Variants in SLC7A2 observed in about 807,000 individuals in gnomAD.
SLC7A2 encodes the protein solute carrier family 7 member 2.
In SLC7A2, 48 loss-of-function variants were observed where a neutral mutation model predicts 58.9. The ratio of observed to expected loss-of-function variants is 0.82; its 90% CI spans 0.65 to 1.04. The LOEUF (loss-of-function observed/expected upper bound fraction) is 1.04, where lower values mean the gene tolerates loss of function less well. Among genes scored for constraint, SLC7A2 ranks in the 50% least tolerant of loss-of-function variants. The pLI is 0.00. For missense variants in SLC7A2, 1,029 were observed against 818.8 expected (o/e 1.26, Z -3.13); for synonymous variants, 363 against 314.5 (o/e 1.15, Z -1.63).
intron 1 of SLC7A2, chr8:17,500,704 G>A (rs1800119791): frequency 6.6e-6 from 1 of 152,138 alleles, no homozygotes; most frequent in African/African-American, 2.4e-5. Context: ...CAGGAGAATT[G>A]CTTGAATCTG....
chr8:17,543,875 G>T (rs980902849), intron 3 of SLC7A2, among the ~76,000 whole-genome samples, 160 bp downstream of exon 3: 1 of 151,960 alleles, frequency 6.6e-6, no homozygotes, highest in African/African-American at 2.4e-5. Flanking sequence ...ACAAAATTCT[G>T]TGGGTTTTTT....
intron 2 of SLC7A2, among the ~76,000 whole-genome samples, chr8:17,524,469 ACTC>A (rs1801146699): frequency 6.6e-6 from 1 of 151,146 alleles, no homozygotes. Context: ...ATGGAATACT[ACTC>A]AGCCATAAAC....
chr8:17,494,462 A>G (rs1799912742), upstream of SLC7A2, among the ~76,000 whole-genome samples: 1 of 152,214 alleles, frequency 6.6e-6, no homozygotes, highest in Non-Finnish European at 1.5e-5. Flanking sequence ...GAAAGTGAAA[A>G]GTGATGGCAA....
rs112718527 is a variant in SLC7A2 at position 17,526,799 on chromosome 8, C to G, written c.-22-16519C>G. Among the ~76,000 whole-genome samples, 1,470 of 152,208 alleles carry G rather than the reference C, an allele frequency of 9.7e-3. 26 individuals carry two copies. The highest frequency in any genetic ancestry group is 0.034 in the African/African-American group (1,418 of 41,508). On this transcript the variant is annotated intron_variant, in intron 2 of 12. Transcript: ENST00000494857. ...AAGCATCATGAGTTCACTAAGAACA[C>G]GTTATGCCTAACGAACTGCATGCCC...
In SLC7A2 at chr8:17,563,522, T is replaced by A. The variant is rs575319581; in HGVS notation, c.1672-81T>A. On this transcript the variant is annotated intron_variant, in intron 11 of 12. Coordinates refer to ENST00000494857, the MANE Select transcript of SLC7A2 (RefSeq NM_001370338.1). Reference sequence around the variant, plus strand: ...GTGGTGTGAAAGTATATATGCCAAATTAATTGCCACCCTGTTGAAATAACT... The same window carrying A: ...GTGGTGTGAAAGTATATATGCCAAAATAATTGCCACCCTGTTGAAATAACT... The A allele has an allele frequency of 2.0e-5, 17 of 838,168 alleles. No individual in the cohort carries two copies. The African/African-American group carries it at 2.7e-4, about 13-fold the overall frequency. 51.9% of individuals were successfully genotyped at this position (838,168 alleles called of 1,614,324 possible).
chr8:17,535,109 T>A (rs2150720830), intron 2 of SLC7A2, among the ~76,000 whole-genome samples: 1 of 152,284 alleles, frequency 6.6e-6, no homozygotes, highest in South Asian at 2.1e-4. Flanking sequence ...GGCTTAAAGT[T>A]CTCAGTGATT....
chr8:17,535,181 C>T (rs560629826), intron 2 of SLC7A2, among the ~76,000 whole-genome samples: 1 of 152,146 alleles, frequency 6.6e-6, no homozygotes, highest in East Asian at 1.9e-4. Context: ...TTCTGCTTAG[C>T]TCTGCTTACC....
chr8:17,554,493 A>T, intron 7 of SLC7A2, 67 bp from the exon 8 acceptor site: 2 of 1,300,126 alleles, frequency 1.5e-6, no homozygotes. Context: ...CAATTATTTT[A>T]TTTCCGTTCG....
chr8:17,537,614 G>A (rs2150726905), intron 2 of SLC7A2, among the ~76,000 whole-genome samples: 1 of 152,220 alleles, frequency 6.6e-6, no homozygotes, highest in South Asian at 2.1e-4. Context: ...CGGGATCCCA[G>A]GTAAGGTAAA....
At chr8:17,519,078 C>G (rs1195695878) in intron 2 of SLC7A2, among the ~76,000 whole-genome samples, 2 of 152,144 alleles carry the variant, frequency 1.3e-5, no homozygotes, top group African/African-American at 2.4e-5. Context: ...GGCCCTACCT[C>G]CAAATACTAT....
intron 2 of SLC7A2, among the ~76,000 whole-genome samples, chr8:17,509,335 T>C (rs1049996295): frequency 6.6e-6 from 1 of 152,098 alleles, no homozygotes; most frequent in African/African-American, 2.4e-5. Flanking sequence ...TGAGACAGAG[T>C]TTCGCTCTGT....
In SLC7A2 at chr8:17,521,536, A is replaced by C. The variant is rs748599742; in HGVS notation, c.-23+19234A>C. Reference sequence around the variant, plus strand: ...ACTCATCCCTGTCTGCCATCCATCAAGTGCTTCTGGAATTCCATCCTGGAT... The same window carrying C: ...ACTCATCCCTGTCTGCCATCCATCACGTGCTTCTGGAATTCCATCCTGGAT... On this transcript the variant is annotated intron_variant, in intron 2 of 12. Transcript: ENST00000494857. Among the ~76,000 whole-genome samples, 6 of 152,322 alleles carry C rather than the reference A, an allele frequency of 3.9e-5. No individual in the cohort carries two copies. In the South Asian group the frequency reaches 1.0e-3, roughly 26 times the overall value.
upstream of SLC7A2, among the ~76,000 whole-genome samples, chr8:17,494,799 G>C (rs149324133): frequency 9.2e-4 from 140 of 152,344 alleles, no homozygotes; most frequent in African/African-American, 3.2e-3. Context: ...GTTAAGTCAA[G>C]AACTAGTGTG....
intron 2 of SLC7A2, among the ~76,000 whole-genome samples, chr8:17,513,316 T>C (rs1800678352): frequency 6.6e-6 from 1 of 152,184 alleles, no homozygotes; most frequent in African/African-American, 2.4e-5. Flanking sequence ...ATACATGTTA[T>C]TTTCTGGGTT....
At chr8:17,518,685 A>G (rs969043671) in intron 2 of SLC7A2, among the ~76,000 whole-genome samples, 2 of 152,212 alleles carry the variant, frequency 1.3e-5, no homozygotes, top group Admixed American at 6.5e-5. Context: ...AAGCTTCATT[A>G]CATTGCTTCT....
At chr8:17,549,280 T>C (rs1268202500) in intron 5 of SLC7A2, among the ~76,000 whole-genome samples, 1 of 152,226 alleles carries the variant, frequency 6.6e-6, no homozygotes, top group Non-Finnish European at 1.5e-5. Context: ...ATGTGGGTTT[T>C]CTTCTAGAGC....
chr8:17,557,808 A>G (rs1802780594), intron 8 of SLC7A2, among the ~76,000 whole-genome samples: 2 of 152,008 alleles, frequency 1.3e-5, no homozygotes, highest in African/African-American at 4.8e-5. Flanking sequence ...ACCCTGGGTG[A>G]CAAAGTGAGC....
intron 2 of SLC7A2, chr8:17,538,947 G>C (rs1009087325): frequency 3.1e-6 from 5 of 1,602,640 alleles, no homozygotes; most frequent in Non-Finnish European, 4.3e-6. Context: ...CAGGGCCTGG[G>C]ATACTGATAT....
At chr8:17,534,515 A>T (rs1563456288) in intron 2 of SLC7A2, among the ~76,000 whole-genome samples, 1 of 151,962 alleles carries the variant, frequency 6.6e-6, no homozygotes, top group African/African-American at 2.4e-5. Flanking sequence ...AAGCTAGAAA[A>T]CCCACTCATT....
Sources: allele counts gnomAD v4.1 joint callset (sites outside exome capture counted in the v4.1 genomes callset), GRCh38; gene constraint gnomAD v4.1.1; transcripts MANE v1.5; gene names NCBI Gene and HGNC (gene_info 2026-07-23, HGNC 2026-07-21).